Variants in TNIK observed in about 807,000 individuals in gnomAD.
The protein encoded by TNIK is TRAF2 and NCK-interacting protein kinase.
In TNIK, 49 loss-of-function variants were observed where a neutral mutation model predicts 191.3. The observed-to-expected ratio is 0.26, with a 90% CI of 0.20 to 0.32. The LOEUF is 0.32. Ranked by LOEUF, TNIK falls within the 10% of genes least tolerant of loss-of-function variation. The pLI, the probability that TNIK is intolerant of heterozygous loss-of-function variation, is 1.00. For synonymous variants in TNIK, 594 were observed against 600.9 expected, an observed-to-expected ratio of 0.99 and a Z score of 0.17; for missense variants, 1,155 against 1,702.3, an observed-to-expected ratio of 0.68 and a Z score of 5.66.
rs1560177310 is a variant in TNIK, at chr3:171,145,089, T to C, written c.1222-4580A>G. On this transcript the variant is annotated intron_variant, in intron 12 of 32. Coordinates refer to ENST00000436636, the MANE Select transcript of TNIK (RefSeq NM_015028.4). ...ACAAAGGAGCACAGCTATCTCTCTCTTTTTTTTTTTTTTTTGAGATGGAGT... is the reference window on the plus strand; with the variant it reads ...ACAAAGGAGCACAGCTATCTCTCTCCTTTTTTTTTTTTTTTGAGATGGAGT... Among the ~76,000 whole-genome samples, 8 of 47,102 alleles carry C rather than the reference T, an allele frequency of 1.7e-4. No individual in the cohort carries two copies. The South Asian group carries it at 4.8e-3, about 28-fold the overall frequency. 30.9% of individuals were successfully genotyped at this position (47,102 alleles called of 152,430 possible).
chr3:171,420,674 A>G (rs1306547139), intron 1 of TNIK, among the ~76,000 whole-genome samples: 1 of 152,208 alleles, frequency 6.6e-6, no homozygotes, highest in East Asian at 1.9e-4. Context: ...AGCAATAACT[A>G]ATAATAAAAT....
At chr3:171,110,379 C>G (rs1166248946) in intron 19 of TNIK, among the ~76,000 whole-genome samples, 2 of 152,124 alleles carry the variant, frequency 1.3e-5, no homozygotes, top group Non-Finnish European at 1.5e-5. Flanking sequence ...TTTGTGGGTA[C>G]ATGAAACTCT....
chr3:171,131,105 G>T (rs570460889), intron 15 of TNIK, among the ~76,000 whole-genome samples: 1 of 151,950 alleles, frequency 6.6e-6, no homozygotes, highest in Non-Finnish European at 1.5e-5. Context: ...TTGGGAGGCC[G>T]AGGCGGGCGG....
chr3:171,115,005 C>A (rs1035874000), intron 18 of TNIK, among the ~76,000 whole-genome samples: 3 of 152,100 alleles, frequency 2.0e-5, no homozygotes, highest in Non-Finnish European at 4.4e-5. Context: ...CAATAGTGGT[C>A]AAAAATTATT....
intron 1 of TNIK, among the ~76,000 whole-genome samples, chr3:171,442,556 T>C (rs1008330251): frequency 6.6e-6 from 1 of 152,318 alleles, no homozygotes; most frequent in East Asian, 1.9e-4. Context: ...CTAAGATTTA[T>C]TTTAAGTATC....
chr3:171,077,731 A>G (rs76158286), intron 28 of TNIK, among the ~76,000 whole-genome samples: 3,032 of 152,026 alleles, frequency 0.02, 112 homozygotes, highest in African/African-American at 0.07. Context: ...GAGACTTTTC[A>G]GCCTGTATAG....
At position 171,108,088 on chromosome 3, in the gene TNIK, T is replaced by C. The variant is rs1725227432; in HGVS notation, c.2359A>G (p.Ile787Val). ...ACAGCTGGTCGACTGGGCCGGGTAA[T>C]GTCCCTGGATTCTTCTGGTTTCACC... Reference protein sequence around the residue: ...AKVKPEESRDITRPSRPASYK... With the variant: ...AKVKPEESRDVTRPSRPASYK... The change falls in exon 20 of 33, where the codon ATT becomes GTT. Residue 787 changes from isoleucine (I) to valine (V), a missense_variant. Ile to Val is a conservative substitution (Grantham distance 29). Transcript: ENST00000436636. The C allele has an allele frequency of 6.4e-7, 1 of 1,572,730 alleles. No individual in the cohort carries two copies.
chr3:171,104,695 T>G (rs1009111678), intron 21 of TNIK, among the ~76,000 whole-genome samples: 2 of 152,178 alleles, frequency 1.3e-5, no homozygotes, highest in Admixed American at 1.3e-4. Context: ...AACTATTGTT[T>G]AAAAATTTTT....
intron 2 of TNIK, among the ~76,000 whole-genome samples, chr3:171,349,565 C>T (rs1712802468): frequency 6.6e-6 from 1 of 152,188 alleles, no homozygotes; most frequent in African/African-American, 2.4e-5. Context: ...TCCCAAGAGG[C>T]AGTGTCACAC....
At chr3:171,308,461 G>A (rs1397137055) in intron 2 of TNIK, among the ~76,000 whole-genome samples, 1 of 152,060 alleles carries the variant, frequency 6.6e-6, no homozygotes, top group East Asian at 1.9e-4. Flanking sequence ...AAAAATCCTT[G>A]AAGAAAACCC....
At chr3:171,310,179 T>TC (rs1753869457) in intron 2 of TNIK, among the ~76,000 whole-genome samples, 1 of 152,104 alleles carries the variant, frequency 6.6e-6, no homozygotes, top group Non-Finnish European at 1.5e-5. Flanking sequence ...TGGTAATACC[T>TC]CCCATAGCTC....
intron 24 of TNIK, among the ~76,000 whole-genome samples, chr3:171,086,608 T>C (rs535453853): frequency 6.6e-6 from 1 of 152,344 alleles, no homozygotes; most frequent in South Asian, 2.1e-4. Context: ...GGGTGCATCA[T>C]AAAAACTTAG....
intron 1 of TNIK, among the ~76,000 whole-genome samples, chr3:171,407,328 G>T (rs1721824507): frequency 6.6e-6 from 1 of 152,230 alleles, no homozygotes; most frequent in South Asian, 2.1e-4. Flanking sequence ...GACCTTCAGT[G>T]ATGGTAAGAT....
chr3:171,286,916 A>G (rs1476766304), intron 2 of TNIK, among the ~76,000 whole-genome samples: 1 of 152,228 alleles, frequency 6.6e-6, no homozygotes, highest in Non-Finnish European at 1.5e-5. Context: ...ACTTAGGTTT[A>G]TGATGCTAGA....
At chr3:171,160,871 G>A (rs1215153560) in intron 11 of TNIK, among the ~76,000 whole-genome samples, 2 of 152,172 alleles carry the variant, frequency 1.3e-5, no homozygotes, top group Non-Finnish European at 1.5e-5. Flanking sequence ...ACCCGAATGG[G>A]CTTCTCAAAG....
At chr3:171,138,483 T>C in intron 14 of TNIK, 104 bp from the exon 15 acceptor site, 1 of 1,076,026 alleles carries the variant, frequency 9.3e-7, no homozygotes. Context: ...TAATGCTAAA[T>C]AACAAAGGAT....
intron 2 of TNIK, among the ~76,000 whole-genome samples, chr3:171,295,879 C>G (rs994291445): frequency 1.3e-5 from 2 of 152,154 alleles, no homozygotes; most frequent in African/African-American, 4.8e-5. Context: ...AGGACATGCC[C>G]CTCCCAGGAT....
intron 2 of TNIK, among the ~76,000 whole-genome samples, chr3:171,246,782 A>G (rs1176318564): frequency 1.3e-5 from 2 of 152,236 alleles, no homozygotes; most frequent in African/African-American, 4.8e-5. Context: ...ACTTCAGTCT[A>G]GGACATACAA....
intron 2 of TNIK, among the ~76,000 whole-genome samples, chr3:171,263,068 C>T (rs1485400926): frequency 1.3e-5 from 2 of 152,182 alleles, no homozygotes; most frequent in Non-Finnish European, 2.9e-5. Flanking sequence ...AAGCTAAAAG[C>T]CTTCCAACTG....
Sources: allele counts gnomAD v4.1 joint callset (sites outside exome capture counted in the v4.1 genomes callset), GRCh38; gene constraint gnomAD v4.1.1; transcripts MANE v1.5; gene names NCBI Gene and HGNC (gene_info 2026-07-23, HGNC 2026-07-21).